Variants in DSCAML1 observed in about 807,000 individuals in gnomAD.
DSCAML1 encodes the protein DS cell adhesion molecule like 1, also known as cell adhesion molecule DSCAML1.
Under a neutral mutation model 200.5 loss-of-function variants are expected in DSCAML1, and 38 were observed. The ratio of observed to expected loss-of-function variants is 0.19; its 90% CI spans 0.15 to 0.25. The LOEUF (loss-of-function observed/expected upper bound fraction) is 0.25. DSCAML1 is among the 10% of genes least tolerant of loss of function. The pLI, the probability that DSCAML1 is intolerant of heterozygous loss-of-function variation, is 1.00. For synonymous variants in DSCAML1, 1,215 were observed against 1,165.0 expected (o/e 1.04, Z -0.87); for missense variants, 2,223 against 2,858.8 (o/e 0.78, Z 5.07).
chr11:117,554,199 T>C (rs745983790), intron 3 of DSCAML1, among the ~76,000 whole-genome samples: 5 of 152,162 alleles, frequency 3.3e-5, no homozygotes, highest in East Asian at 1.9e-4. Context: ...GAGTTTCTGA[T>C]GACAAAGTTT....
chr11:117,634,506 A>C (rs2052238364), intron 3 of DSCAML1, among the ~76,000 whole-genome samples: 1 of 152,202 alleles, frequency 6.6e-6, no homozygotes. Context: ...GGCAAAGGTA[A>C]CACATGCTGC....
intron 8 of DSCAML1, among the ~76,000 whole-genome samples, chr11:117,510,203 C>G (rs111494370): frequency 4.6e-5 from 7 of 152,308 alleles, no homozygotes; most frequent in South Asian, 2.1e-4. Context: ...TGAGATGGAG[C>G]CTTTTATTTA....
intron 3 of DSCAML1, among the ~76,000 whole-genome samples, chr11:117,661,947 C>T (rs920994706): frequency 6.6e-6 from 1 of 152,208 alleles, no homozygotes; most frequent in African/African-American, 2.4e-5. Context: ...TCCTTGAAGG[C>T]CAGACACCAG....
intron 30 of DSCAML1, 117 bp from the exon 31 acceptor site, chr11:117,431,845 A>C (rs1243769526): frequency 9.9e-7 from 1 of 1,005,136 alleles, no homozygotes. Context: ...GCAGCCACAG[A>C]AGCGCCCTTG....
At chr11:117,550,170 C>G (rs745691823) in intron 3 of DSCAML1, among the ~76,000 whole-genome samples, 2 of 152,134 alleles carry the variant, frequency 1.3e-5, no homozygotes, top group Admixed American at 1.3e-4. Context: ...ATTAAGAGGA[C>G]GTACCTCTTA....
chr11:117,746,366 C>A (rs922515223), intron 3 of DSCAML1, among the ~76,000 whole-genome samples: 1 of 152,104 alleles, frequency 6.6e-6, no homozygotes. Flanking sequence ...AGATTGGGAC[C>A]TGAGACCTGA....
intron 3 of DSCAML1, among the ~76,000 whole-genome samples, chr11:117,700,050 G>A (rs1055110938): frequency 3.3e-5 from 5 of 152,204 alleles, no homozygotes; most frequent in African/African-American, 4.8e-5. Context: ...AAGAGACCTC[G>A]TGCTTGTGTG....
chr11:117,713,728 G>T (rs1466306467), intron 3 of DSCAML1, among the ~76,000 whole-genome samples: 1 of 152,192 alleles, frequency 6.6e-6, no homozygotes, highest in Non-Finnish European at 1.5e-5. Context: ...CCCTTGTCGG[G>T]CCTTGACAGA....
chr11:117,594,680 C>G (rs78534125), intron 3 of DSCAML1, among the ~76,000 whole-genome samples: 4,025 of 152,332 alleles, frequency 0.026, 172 homozygotes, highest in African/African-American at 0.09. Context: ...CTTTGGCTAT[C>G]TGGTCTTCTC....
At chr11:117,526,975 C>T (rs2049988705) in intron 4 of DSCAML1, among the ~76,000 whole-genome samples, 1 of 152,100 alleles carries the variant, frequency 6.6e-6, no homozygotes, top group Non-Finnish European at 1.5e-5. Flanking sequence ...CCATGTCTAC[C>T]AAGCAAACAA....
chr11:117,638,315 AGTGTGTGTGTGTGTGT>A (rs59327038), intron 3 of DSCAML1, among the ~76,000 whole-genome samples: 125 of 135,216 alleles, frequency 9.2e-4, no homozygotes, highest in African/African-American at 1.8e-3. Flanking sequence ...CAAGATAGCA[AGTGTGTGTGTGTGTGT>A]GTGTGTGTGT....
At chr11:117,481,834 G>A (rs1592645980) in intron 12 of DSCAML1, 129 bp downstream of exon 12, 1 of 947,764 alleles carries the variant, frequency 1.1e-6, no homozygotes, top group Non-Finnish European at 1.6e-6. Context: ...GGAAAGGGGA[G>A]GTACATTTTT....
rs373815797 is a variant in DSCAML1 at position 117,481,242 on chromosome 11, A to G, written c.2588T>C (p.Val863Ala). ...KLKPADRGDSVFFSCHAINSY... is the reference protein window; with the variant it reads ...KLKPADRGDSAFFSCHAINSY... ...GTTGATGGCATGGCAGCTGAAGAAC[A>G]CAGAGTCCCCACGGTCAGCGGGCTT... is the stretch of plus-strand genomic sequence containing the variant. The change falls in exon 13 of 33, where the codon GTG becomes GCG. Residue 863 changes from valine (V) to alanine (A), a missense_variant. Physicochemically the swap from Val to Ala is moderately conservative, Grantham distance 64. This residue lies in a region of DSCAML1 where 438 missense variants were observed against 629.7 expected (regional missense o/e 0.70). Transcript: ENST00000651296. 2.5e-6 allele frequency: 4 copies of G among 1,613,830 alleles called. No individual in the cohort carries two copies. Among genetic ancestry groups the G allele is most frequent in the Non-Finnish European group, 3.4e-6 (4 of 1,179,956 alleles).
At chr11:117,630,658 CAAAA>C (rs56741831) in intron 3 of DSCAML1, among the ~76,000 whole-genome samples, 46 of 45,584 alleles carry the variant, frequency 1.0e-3, no homozygotes, top group South Asian at 4.5e-3. Flanking sequence ...ATAAAGTGGC[CAAAA>C]AAAAAAAAAA....
chr11:117,786,910 G>C (rs900795303), intron 1 of DSCAML1, among the ~76,000 whole-genome samples: 1 of 152,158 alleles, frequency 6.6e-6, no homozygotes, highest in Non-Finnish European at 1.5e-5. Flanking sequence ...ATTCGTAGGA[G>C]AGGTCATGGG....
In DSCAML1 at chr11:117,532,364, CCT is replaced by C; in HGVS notation, c.658+10_658+11del. On this transcript the variant is annotated intron_variant, in intron 4 of 32. Coordinates refer to ENST00000651296, the MANE Select transcript of DSCAML1 (RefSeq NM_020693.4). Reference sequence around the variant, plus strand: ...CCAGCCTGCCCCGTTCTCCCCAGGCCCTCTCCCCTACCTGTCACAGAGAGGCG... The same window carrying C: ...CCAGCCTGCCCCGTTCTCCCCAGGCCCTCCCCTACCTGTCACAGAGAGGCG... 1 of 1,612,032 alleles carries C rather than the reference CCT, an allele frequency of 6.2e-7. No homozygotes were observed. Among genetic ancestry groups the C allele is most frequent in the Non-Finnish European group, 8.5e-7 (1 of 1,178,982 alleles).
chr11:117,570,710 C>A (rs1160904545), intron 3 of DSCAML1, among the ~76,000 whole-genome samples: 1 of 152,244 alleles, frequency 6.6e-6, no homozygotes, highest in African/African-American at 2.4e-5. Flanking sequence ...ACACTTTGTG[C>A]ATGCTGCCCT....
intron 3 of DSCAML1, among the ~76,000 whole-genome samples, chr11:117,677,908 C>T (rs1347037097): frequency 6.6e-6 from 1 of 152,182 alleles, no homozygotes; most frequent in African/African-American, 2.4e-5. Context: ...TGCACCGCGC[C>T]TCTGACAGAG....
At chr11:117,520,777 C>T (rs113700414) in intron 6 of DSCAML1, among the ~76,000 whole-genome samples, 1 of 145,504 alleles carries the variant, frequency 6.9e-6, no homozygotes, top group East Asian at 1.9e-4. Flanking sequence ...TAACCTTGGA[C>T]ATTAGCATGG....
Sources: gnomAD v4.1 joint callset for allele counts (sites outside exome capture counted in the v4.1 genomes callset) on GRCh38, gnomAD v4.1.1 for gene constraint, gnomAD v4.1.1 regional missense constraint, MANE v1.5 for transcripts, NCBI Gene and HGNC (gene_info 2026-07-23, HGNC 2026-07-21) for gene names.